The following ARHGEF26 variants were observed in gnomAD, a reference collection of about 807,000 sequenced individuals.
The protein encoded by ARHGEF26 is Rho guanine nucleotide exchange factor (GEF) 26.
In ARHGEF26, 59 loss-of-function variants were observed where a neutral mutation model predicts 89.4. The observed-to-expected ratio is 0.66, with a 90% confidence interval of 0.54 to 0.82. The LOEUF is 0.82. Ranked by LOEUF, ARHGEF26 falls within the 40% of genes least tolerant of loss-of-function variation. The probability of loss-of-function intolerance (pLI) is 0.00; values close to 1 mark genes in which losing one functional copy is unlikely to be tolerated. For synonymous variants in ARHGEF26, 500 were observed against 428.4 expected, an observed-to-expected ratio of 1.17 and a Z score of -2.06; for missense variants, 1,234 against 1,085.6, an observed-to-expected ratio of 1.14 and a Z score of -1.92.
chr3:154,241,933 G>A (rs563098344), intron 12 of ARHGEF26, among the ~76,000 whole-genome samples: 1 of 152,294 alleles, frequency 6.6e-6, no homozygotes, highest in South Asian at 2.1e-4. Flanking sequence ...TGGATTTTAC[G>A]AAGAACTGTA....
chr3:154,225,342 C>CA (rs749505378), intron 10 of ARHGEF26, among the ~76,000 whole-genome samples: 1 of 151,738 alleles, frequency 6.6e-6, no homozygotes, highest in Non-Finnish European at 1.5e-5. Flanking sequence ...AATTTGTAGA[C>CA]AAAAAAATAA....
chr3:154,140,079 A>C (rs964868269), intron 4 of ARHGEF26, among the ~76,000 whole-genome samples: 1 of 139,584 alleles, frequency 7.2e-6, no homozygotes. Flanking sequence ...CCACCTGGGC[A>C]ACAGGGAGCC....
rs982176963 is a variant in ARHGEF26 at position 154,205,424 on chromosome 3, A to G, written c.1845+10706A>G. Among the ~76,000 whole-genome samples the G allele has an allele frequency of 2.6e-5, 4 of 151,928 alleles. No individual in the cohort carries two copies. The South Asian group carries it at 6.2e-4, about 24-fold the overall frequency. On this transcript the variant is annotated intron_variant, in intron 9 of 14. Transcript: ENST00000465093. ...TTTATAGGTAAAGTGTGTTTCTTGT[A>G]GGCAACAGATCAATCAGTCTTGTTT...
chr3:154,168,157 G>A (rs746613832), intron 6 of ARHGEF26, among the ~76,000 whole-genome samples: 4 of 152,154 alleles, frequency 2.6e-5, no homozygotes, highest in Non-Finnish European at 5.9e-5. Flanking sequence ...GTAATTTACA[G>A]ATAGTATCCC....
At position 154,226,385 on chromosome 3, in the gene ARHGEF26, A is replaced by C. The variant is rs1258588342; in HGVS notation, c.2090+375A>C. ...GAAAAAAGTTGGTCCAGTTGAGAAC[A>C]GGTTGGGGAGCAACTCTAGTGCTCC... is the stretch of plus-strand genomic sequence containing the variant. On this transcript the variant is annotated intron_variant, in intron 11 of 14. Transcript: ENST00000465093. Among the ~76,000 whole-genome samples the C allele has an allele frequency of 7.2e-5, 11 of 152,320 alleles. No homozygotes were observed. The South Asian group carries it at 1.5e-3, about 20-fold the overall frequency.
In ARHGEF26 at chr3:154,144,057, G is replaced by A. The variant is rs573223262; in HGVS notation, c.1270-5332G>A. ...TTGATCAACAAGTTAAATGACCAGG[G>A]AGCCCTGCTGACAGCTTAGCTTTCA... is the stretch of plus-strand genomic sequence containing the variant. On this transcript the variant is annotated intron_variant, in intron 4 of 14. Coordinates refer to ENST00000465093, the MANE Select transcript of ARHGEF26 (RefSeq NM_015595.4). Among the ~76,000 whole-genome samples the A allele has an allele frequency of 8.5e-5, 13 of 152,312 alleles. No individual in the cohort carries two copies. The East Asian group carries it at 1.5e-3, about 18-fold the overall frequency.
chr3:154,236,518 C>T (rs908207979), intron 11 of ARHGEF26, among the ~76,000 whole-genome samples: 1 of 152,234 alleles, frequency 6.6e-6, no homozygotes, highest in African/African-American at 2.4e-5. Flanking sequence ...TTCCTCATTA[C>T]ATGTTCCAAA....
intron 12 of ARHGEF26, among the ~76,000 whole-genome samples, chr3:154,240,912 C>T (rs984598452): frequency 6.6e-6 from 1 of 152,096 alleles, no homozygotes; most frequent in African/African-American, 2.4e-5. Context: ...AGGAATATGA[C>T]TCAACTGGTA....
chr3:154,208,371 C>CT (rs1167658666), intron 9 of ARHGEF26, among the ~76,000 whole-genome samples: 1 of 151,960 alleles, frequency 6.6e-6, no homozygotes, highest in African/African-American at 2.4e-5. Flanking sequence ...AGGATCCTTT[C>CT]TTTATCTGTG....
chr3:154,229,271 G>A (rs1286952991), intron 11 of ARHGEF26, among the ~76,000 whole-genome samples: 1 of 152,062 alleles, frequency 6.6e-6, no homozygotes, highest in Non-Finnish European at 1.5e-5. Context: ...CTATTCACAG[G>A]CATGATCATA....
At chr3:154,169,729 C>A (rs958938683) in intron 6 of ARHGEF26, among the ~76,000 whole-genome samples, 1 of 152,068 alleles carries the variant, frequency 6.6e-6, no homozygotes, top group African/African-American at 2.4e-5. Context: ...GTGATAGTGC[C>A]ATTGGCGTGA....
intron 3 of ARHGEF26, among the ~76,000 whole-genome samples, chr3:154,125,332 A>G (rs1718264645): frequency 6.6e-6 from 1 of 152,234 alleles, no homozygotes; most frequent in African/African-American, 2.4e-5. Flanking sequence ...GAACATTTAT[A>G]AATGACTTAT....
At chr3:154,228,435 C>CCTTTTT (rs1377391796) in intron 11 of ARHGEF26, among the ~76,000 whole-genome samples, 3 of 138,780 alleles carry the variant, frequency 2.2e-5, no homozygotes, top group African/African-American at 7.7e-5. Context: ...CCGCACCTGG[C>CCTTTTT]CTTTTTTTTT....
chr3:154,136,677 G>A (rs949112417), intron 4 of ARHGEF26, among the ~76,000 whole-genome samples: 1 of 152,150 alleles, frequency 6.6e-6, no homozygotes, highest in African/African-American at 2.4e-5. Flanking sequence ...CATTCTGTTT[G>A]CAGAAATGCT....
In ARHGEF26 at chr3:154,122,943, T is replaced by C. The variant is rs539257826; in HGVS notation, c.951T>C (p.Tyr317=). The change falls in exon 2 of 15, where the codon TAT becomes TAC. Residue 317 remains tyrosine, a synonymous_variant. Coordinates refer to ENST00000465093, the MANE Select transcript of ARHGEF26 (RefSeq NM_015595.4). ...SLRRGLRSTS[Y]RRAVVSGFDF... ...GGAGAGGCTTGCGGTCCACGTCTTATCGCAGGGCAGTGGTCAGTGGCTTTG... is the reference window on the plus strand; with the variant it reads ...GGAGAGGCTTGCGGTCCACGTCTTACCGCAGGGCAGTGGTCAGTGGCTTTG... 6.4e-5 allele frequency: 103 copies of C among 1,613,656 alleles called. No individual in the cohort carries two copies. Among genetic ancestry groups the C allele is most frequent in the Middle Eastern group, 1.7e-4 (1 of 6,060 alleles).
chr3:154,234,839 C>T (rs79203579), intron 11 of ARHGEF26, among the ~76,000 whole-genome samples: 11,922 of 152,166 alleles, frequency 0.078, 866 homozygotes, highest in East Asian at 0.36. Flanking sequence ...AATCTCGGCT[C>T]ACTGCAAGGT....
At chr3:154,241,510 C>G (rs991687809) in intron 12 of ARHGEF26, among the ~76,000 whole-genome samples, 11 of 152,138 alleles carry the variant, frequency 7.2e-5, no homozygotes, top group Non-Finnish European at 4.4e-5. Context: ...TAACAGTGTT[C>G]CTAGATGATT....
At chr3:154,190,442 A>G (rs1188650614) in intron 7 of ARHGEF26, among the ~76,000 whole-genome samples, 4 of 152,220 alleles carry the variant, frequency 2.6e-5, no homozygotes, top group Non-Finnish European at 5.9e-5. Context: ...TGGGAGGCAG[A>G]GGCTGCAGTG....
intron 6 of ARHGEF26, 134 bp from the exon 7 acceptor site, chr3:154,187,551 A>G: frequency 1.5e-6 from 1 of 646,952 alleles, no homozygotes. Context: ...TATAGATTTT[A>G]AAAATATTTT....
Sources: allele counts gnomAD v4.1 joint callset (sites outside exome capture counted in the v4.1 genomes callset), GRCh38; gene constraint gnomAD v4.1.1; transcripts MANE v1.5; gene names NCBI Gene and HGNC (gene_info 2026-07-23, HGNC 2026-07-21).